Variants in KAT7 observed in about 807,000 individuals in gnomAD.
The protein encoded by KAT7 is histone acetyltransferase KAT7.
KAT7 carries 10 observed loss-of-function variants against 82.1 expected under a neutral mutation model. That is an observed-to-expected ratio of 0.12 (90% CI 0.08 to 0.21). The LOEUF (loss-of-function observed/expected upper bound fraction) is 0.21. Among genes scored for constraint, KAT7 ranks in the 10% least tolerant of loss-of-function variants. The pLI, the probability that KAT7 is intolerant of heterozygous loss-of-function variation, is 1.00. For synonymous variants in KAT7, 250 were observed against 262.5 expected (o/e 0.95, Z 0.46); for missense variants, 378 against 760.9 (o/e 0.50, Z 5.92).
intron 8 of KAT7, among the ~76,000 whole-genome samples, chr17:49,816,564 C>T (rs1187732705): frequency 2.0e-5 from 3 of 152,068 alleles, no homozygotes; most frequent in Non-Finnish European, 2.9e-5. Context: ...AAGTGAATCT[C>T]GTCTTCACCC....
chr17:49,809,399 G>T (rs1439879532), intron 6 of KAT7, among the ~76,000 whole-genome samples, 191 bp downstream of exon 6: 2 of 152,188 alleles, frequency 1.3e-5, no homozygotes, highest in Non-Finnish European at 2.9e-5. Context: ...ATGAATGAAG[G>T]AATCATGCTA....
intron 7 of KAT7, chr17:49,815,542 T>C (rs574050857): frequency 3.0e-6 from 1 of 330,452 alleles, no homozygotes; most frequent in East Asian, 4.8e-5. Flanking sequence ...ACAAAGTGTA[T>C]CTTTTCAGAG....
rs148501540 is a variant in KAT7, at chr17:49,834,777, A to G, written c.*7275A>G. 478 of 152,362 alleles carry G rather than the reference A, an allele frequency of 3.1e-3. 2 individuals carry two copies. Among genetic ancestry groups the G allele is most frequent in the Non-Finnish European group, 4.6e-3 (310 of 68,066 alleles). 9.4% of individuals were successfully genotyped at this position (152,362 alleles called of 1,614,324 possible). ...TTCCAAAGTTAGTATCAGGCCAGGC[A>G]TGGTGGGAGGATCACTTGAGCCCAG... On this transcript the variant is annotated 3_prime_UTR_variant, in exon 15 of 15. Transcript: ENST00000259021.
At chr17:49,821,473 C>G (rs1347933589) in intron 10 of KAT7, 47 bp downstream of exon 10, 2 of 1,560,624 alleles carry the variant, frequency 1.3e-6, no homozygotes, top group Non-Finnish European at 1.8e-6. Flanking sequence ...TGTATATTCA[C>G]AGGTTTCAGA....
chr17:49,789,062 C>T, intron 1 of KAT7: 1 of 421,800 alleles, frequency 2.4e-6, no homozygotes, highest in Non-Finnish European at 4.3e-6. Context: ...CCTCTGCTTG[C>T]CTGGATCGGA....
At chr17:49,799,412 G>A (rs2073995087) in intron 4 of KAT7, among the ~76,000 whole-genome samples, 1 of 152,202 alleles carries the variant, frequency 6.6e-6, no homozygotes, top group Non-Finnish European at 1.5e-5. Context: ...ATGGAGTCTT[G>A]CTCTATTGCC....
At position 49,815,858 on chromosome 17, in the gene KAT7, G is replaced by A; in HGVS notation, c.908G>A (p.Ser303Asn). ...GAACCTCTTTTAGAAAACCTGACAA[G>A]CGAGTATGACTTGGATCTTTTCCGA... ...TREPLLENLTSEYDLDLFRRA... is the reference protein window; with the variant it reads ...TREPLLENLTNEYDLDLFRRA... The change falls in exon 8 of 15, where the codon AGC becomes AAC. Residue 303 changes from serine to asparagine, a missense_variant. Physicochemically the swap from Ser to Asn is conservative, Grantham distance 46. This residue lies in a region of KAT7 where 102 missense variants were observed against 129.8 expected (regional missense o/e 0.79). Coordinates refer to ENST00000259021, the MANE Select transcript of KAT7 (RefSeq NM_007067.5). 1.2e-6 allele frequency: 2 copies of A among 1,613,878 alleles called. No individual in the cohort carries two copies. The highest frequency in any genetic ancestry group is 8.5e-7 in the Non-Finnish European group (1 of 1,179,922).
intron 4 of KAT7, among the ~76,000 whole-genome samples, chr17:49,800,137 G>A (rs1013387834): frequency 2.0e-4 from 30 of 150,016 alleles, no homozygotes; most frequent in Non-Finnish European, 3.8e-4. Flanking sequence ...TCAGCCTCTC[G>A]AGTAGCTGGG....
At chr17:49,799,640 G>C (rs2073997932) in intron 4 of KAT7, among the ~76,000 whole-genome samples, 2 of 152,132 alleles carry the variant, frequency 1.3e-5, no homozygotes, top group South Asian at 2.1e-4. Context: ...CTCCCAGAGT[G>C]CTGGGATTAC....
chr17:49,803,391 C>T (rs145964136), intron 4 of KAT7, among the ~76,000 whole-genome samples: 152 of 151,998 alleles, frequency 1.0e-3, no homozygotes, highest in African/African-American at 3.5e-3. Context: ...AGCCACCGTG[C>T]CTGGCCCTAA....
Position 49,809,194 on chromosome 17 carries a change from G to T in KAT7, c.739G>T (p.Ala247Ser). ...CAGGCAAGATGACAACAACAGGCAT[G>T]CAACCAGGCACCAGGTATGGGCCTT... The part of the protein sequence containing the change: ...SHRQDDNNRH[A>S]TRHQAPTERQ... Residue 247 changes from alanine to serine, a missense_variant, in exon 6 of 15, where the codon GCA becomes TCA. Ala to Ser is a moderately conservative substitution (Grantham distance 99). This residue lies in a region of KAT7 where 102 missense variants were observed against 129.8 expected (regional missense o/e 0.79). Transcript: ENST00000259021. The T allele has an allele frequency of 6.2e-7, 1 of 1,613,938 alleles. No individual in the cohort carries two copies. The highest frequency in any genetic ancestry group is 8.5e-7 in the Non-Finnish European group (1 of 1,179,790).
intron 11 of KAT7, 124 bp downstream of exon 11, chr17:49,821,914 A>T (rs2074308379): frequency 2.6e-6 from 2 of 781,786 alleles, no homozygotes; most frequent in African/African-American, 3.6e-5. Context: ...CCCCTTCCTT[A>T]AATTAAAAAA....
intron 5 of KAT7, among the ~76,000 whole-genome samples, chr17:49,808,271 C>A (rs1375598813): frequency 6.6e-6 from 1 of 151,524 alleles, no homozygotes; most frequent in Non-Finnish European, 1.5e-5. Context: ...AGGTGTGCGC[C>A]ACCACGCCTG....
intron 5 of KAT7, among the ~76,000 whole-genome samples, chr17:49,806,207 A>G (rs2074089813): frequency 6.6e-6 from 1 of 152,242 alleles, no homozygotes; most frequent in Non-Finnish European, 1.5e-5. Flanking sequence ...CCAGGGTCAC[A>G]GGTTTATTCC....
At chr17:49,813,101 G>C (rs2074190511) in intron 7 of KAT7, among the ~76,000 whole-genome samples, 1 of 148,548 alleles carries the variant, frequency 6.7e-6, no homozygotes, top group Non-Finnish European at 1.5e-5. Context: ...GTGATGCTCA[G>C]ATTTAGGCTT....
At position 49,809,099 on chromosome 17, in the gene KAT7, G is replaced by A. The variant is rs767332852; in HGVS notation, c.664-20G>A. ...AGTCTTAGAAGCAGGTGGATTTATT[G>A]ACGTTGTTGATGGTTGCAGGTGAGA... On this transcript the variant is annotated intron_variant, in intron 5 of 14. Transcript: ENST00000259021. The A allele has an allele frequency of 6.3e-7, 1 of 1,598,258 alleles. No homozygotes were observed. The highest frequency in any genetic ancestry group is 1.1e-5 in the South Asian group (1 of 90,724).
intron 9 of KAT7, among the ~76,000 whole-genome samples, chr17:49,820,756 TTTTTTTTTTTTTTC>T (rs1031223512): frequency 2.0e-5 from 3 of 150,544 alleles, no homozygotes; most frequent in African/African-American, 7.3e-5. Context: ...CCTTTTTTTT[TTTTTTTTTTTTTTC>T]TTTTTTTGCC....
At position 49,807,663 on chromosome 17, in the gene KAT7, T is replaced by A. The variant is rs1436401893; in HGVS notation, c.664-1456T>A. 3.3e-5 allele frequency among the ~76,000 whole-genome samples: 5 copies of A among 152,106 alleles called. No individual in the cohort carries two copies. The East Asian group carries it at 9.6e-4, about 29-fold the overall frequency. The stretch of plus-strand genomic sequence containing the variant: ...GAGAATGGAGTGTGGGGGCAAGAGT[T>A]GATGCAGGGTATAGGGTGCTTGGGA... On this transcript the variant is annotated intron_variant, in intron 5 of 14. Coordinates refer to ENST00000259021, the MANE Select transcript of KAT7 (RefSeq NM_007067.5).
At chr17:49,827,341 T>G (rs1391790930) in intron 14 of KAT7, 60 bp from the exon 15 acceptor site, 1 of 981,732 alleles carries the variant, frequency 1.0e-6, no homozygotes, top group East Asian at 2.4e-5. Context: ...TATTTTGGAA[T>G]CTATGTAAAG....
Sources: allele counts gnomAD v4.1 joint callset (sites outside exome capture counted in the v4.1 genomes callset), GRCh38; gene constraint gnomAD v4.1.1; regional missense constraint gnomAD v4.1.1; transcripts MANE v1.5; gene names NCBI Gene and HGNC (gene_info 2026-07-23, HGNC 2026-07-21).